The following RNF150 variants were observed in gnomAD, a reference collection of about 807,000 sequenced individuals.
RNF150 encodes ring finger protein 150.
In RNF150, 24 loss-of-function variants were observed where a neutral mutation model predicts 39.3. That is an observed-to-expected ratio of 0.61 (90% CI 0.44 to 0.86). The LOEUF (loss-of-function observed/expected upper bound fraction) is 0.86, where lower values mean the gene tolerates loss of function less well. RNF150 is among the 40% of genes least tolerant of loss of function. RNF150 has a pLI of 0.00. For synonymous variants in RNF150, 255 were observed against 227.3 expected (o/e 1.12, Z -1.10); for missense variants, 502 against 587.8 (o/e 0.85, Z 1.51).
chr4:141,084,039 G>A (rs1233027327), intron 1 of RNF150, among the ~76,000 whole-genome samples: 1 of 152,120 alleles, frequency 6.6e-6, no homozygotes, highest in Non-Finnish European at 1.5e-5. Flanking sequence ...TTTGAATCAT[G>A]ATATTTAAAT....
rs1416632896 is a variant in RNF150 at position 140,867,236 on chromosome 4, T to C, written c.*1025A>G. 2 of 152,206 alleles carry C rather than the reference T, an allele frequency of 1.3e-5. No individual in the cohort carries two copies. The highest frequency in any genetic ancestry group is 1.3e-4 in the Admixed American group (2 of 15,270). 9.4% of individuals were successfully genotyped at this position (152,206 alleles called of 1,614,324 possible). ...ACTGCAGCCCCCACTATGTTTGCCA[T>C]TGGACTTAAAAATGATTGGCTTTTC... On this transcript the variant is annotated 3_prime_UTR_variant, in exon 7 of 7. Coordinates refer to ENST00000515673, the MANE Select transcript of RNF150 (RefSeq NM_020724.2).
chr4:141,048,059 CAG>C (rs1444768229), intron 1 of RNF150, among the ~76,000 whole-genome samples: 10 of 152,148 alleles, frequency 6.6e-5, no homozygotes, highest in Admixed American at 6.5e-4. Flanking sequence ...AGTGAACAAA[CAG>C]GGGTTGTGTC....
At chr4:141,190,370 A>G (rs1316108188) in intron 1 of RNF150, among the ~76,000 whole-genome samples, 1 of 152,098 alleles carries the variant, frequency 6.6e-6, no homozygotes. Context: ...TAAGAGAGAG[A>G]GTCTTCTCCT....
intron 1 of RNF150, among the ~76,000 whole-genome samples, chr4:141,087,631 AT>A (rs1738417516): frequency 6.6e-6 from 1 of 152,086 alleles, no homozygotes; most frequent in Admixed American, 6.5e-5. Flanking sequence ...TCCTGCTCTC[AT>A]TTTTAAGATC....
intron 6 of RNF150, among the ~76,000 whole-genome samples, chr4:140,886,361 T>C (rs532351148): frequency 2.6e-5 from 4 of 152,162 alleles, no homozygotes; most frequent in African/African-American, 9.6e-5. Flanking sequence ...TGGGTAGTAG[T>C]GAAAAACAGG....
chr4:140,964,931 A>C (rs1388260180), intron 2 of RNF150, among the ~76,000 whole-genome samples: 2 of 152,018 alleles, frequency 1.3e-5, no homozygotes, highest in African/African-American at 4.8e-5. Context: ...ATATATGTTA[A>C]ATGGGGATAC....
intron 1 of RNF150, among the ~76,000 whole-genome samples, chr4:141,110,701 T>G (rs1359033797): frequency 6.6e-6 from 1 of 151,922 alleles, no homozygotes; most frequent in East Asian, 1.9e-4. Flanking sequence ...GCATGAACCA[T>G]CTTGCTTGGC....
At chr4:140,896,057 G>A (rs2111237398) in intron 6 of RNF150, among the ~76,000 whole-genome samples, 1 of 122,150 alleles carries the variant, frequency 8.2e-6, no homozygotes, top group East Asian at 2.3e-4. Flanking sequence ...GAGAGGATGT[G>A]GAGAAACAGG....
chr4:141,136,326 C>G (rs1254491846), upstream of RNF150, among the ~76,000 whole-genome samples: 2 of 152,022 alleles, frequency 1.3e-5, no homozygotes. Context: ...ATGAGACATT[C>G]TTTCTGCAAC....
chr4:141,003,784 T>C (rs1472027289), intron 1 of RNF150, among the ~76,000 whole-genome samples: 1 of 152,156 alleles, frequency 6.6e-6, no homozygotes, highest in African/African-American at 2.4e-5. Flanking sequence ...AAGAATTTTA[T>C]CCCCATTTTT....
At chr4:140,883,562 CA>C (rs765041349) in intron 6 of RNF150, among the ~76,000 whole-genome samples, 15 of 152,112 alleles carry the variant, frequency 9.9e-5, no homozygotes, top group African/African-American at 1.9e-4. Context: ...TTTTGGTTGA[CA>C]TTTTTTTCCC....
intron 5 of RNF150, 85 bp downstream of exon 5, chr4:140,925,892 A>C: frequency 1.1e-6 from 1 of 918,016 alleles, no homozygotes. Flanking sequence ...GGGACACAGA[A>C]CATCCAAGTA....
chr4:140,984,879 G>A (rs1169544301), intron 1 of RNF150, among the ~76,000 whole-genome samples: 1 of 152,058 alleles, frequency 6.6e-6, no homozygotes, highest in Non-Finnish European at 1.5e-5. Flanking sequence ...CTCCCCAGTG[G>A]CATTAAGCTT....
At chr4:140,873,435 C>T (rs776037278) in intron 6 of RNF150, among the ~76,000 whole-genome samples, 16 of 152,078 alleles carry the variant, frequency 1.1e-4, no homozygotes, top group Non-Finnish European at 1.9e-4. Flanking sequence ...CTGAAAATTG[C>T]CCCCAAAGAG....
chr4:141,201,009 C>T (rs965184655), intron 1 of RNF150, among the ~76,000 whole-genome samples: 14 of 151,994 alleles, frequency 9.2e-5, no homozygotes, highest in African/African-American at 3.4e-4. Context: ...TAGGGTAATT[C>T]ACTTGCCCAC....
At position 141,155,000 on chromosome 4, in the gene RNF150, A is replaced by G. The variant is rs75736070; in HGVS notation, c.-6+57794T>C. Reference sequence around the variant, plus strand: ...CTTCGTCAGAGTCAGATATTTTACCATTAGCTCCTTCTTCATAAACAATCC... The same window carrying G: ...CTTCGTCAGAGTCAGATATTTTACCGTTAGCTCCTTCTTCATAAACAATCC... On this transcript the variant is annotated intron_variant, in intron 1 of 7. Transcript: ENST00000420921. Among the ~76,000 whole-genome samples the G allele has an allele frequency of 3.3e-3, 499 of 152,294 alleles. 3 individuals carry two copies. Among genetic ancestry groups the G allele is most frequent in the African/African-American group, 0.011 (473 of 41,574 alleles).
At chr4:141,045,500 T>G (rs1736540031) in intron 1 of RNF150, among the ~76,000 whole-genome samples, 1 of 152,090 alleles carries the variant, frequency 6.6e-6, no homozygotes, top group Admixed American at 6.6e-5. Flanking sequence ...TACATTCTTT[T>G]TTTATATTTA....
In RNF150 at chr4:141,039,959, G is replaced by C. The variant is rs118125580; in HGVS notation, c.485-72086C>G. On this transcript the variant is annotated intron_variant, in intron 1 of 6. Coordinates refer to ENST00000515673, the MANE Select transcript of RNF150 (RefSeq NM_020724.2). ...GAAAAACTCCTCCCCTGCGTGCCCT[G>C]ATGTAACCTTTCCCCACATAGAGAA... Among the ~76,000 whole-genome samples the C allele has an allele frequency of 4.6e-5, 7 of 152,238 alleles. No homozygotes were observed. The East Asian group carries it at 9.6e-4, about 21-fold the overall frequency.
In RNF150 at chr4:141,000,022, A is replaced by G. The variant is rs1298377312; in HGVS notation, c.485-32149T>C. Reference sequence around the variant, plus strand: ...AAGAAGAAGAAGAAGAAGAAGAAGAAGAAGAAGAAGAAGAAGAAGAAGAAG... The same window carrying G: ...AAGAAGAAGAAGAAGAAGAAGAAGAGGAAGAAGAAGAAGAAGAAGAAGAAG... On this transcript the variant is annotated intron_variant, in intron 1 of 6. Coordinates refer to ENST00000515673, the MANE Select transcript of RNF150 (RefSeq NM_020724.2). 7.2e-5 allele frequency among the ~76,000 whole-genome samples: 3 copies of G among 41,472 alleles called. 1 individual carries two copies. Among genetic ancestry groups the G allele is most frequent in the Non-Finnish European group, 1.1e-4 (2 of 18,042 alleles). The allele number at this position is 41,472 out of a possible 152,430, so 27.2% of individuals were successfully genotyped here.
Sources: allele counts gnomAD v4.1 joint callset (sites outside exome capture counted in the v4.1 genomes callset), GRCh38; gene constraint gnomAD v4.1.1; transcripts MANE v1.5; gene names NCBI Gene and HGNC (gene_info 2026-07-23, HGNC 2026-07-21).